ALCAM: variants seen among roughly 807,000 people sequenced by gnomAD.
ALCAM encodes CD166 antigen.
In ALCAM, 30 loss-of-function variants were observed where a neutral mutation model predicts 70.9. That is an observed-to-expected ratio of 0.42 (90% CI 0.32 to 0.57). The LOEUF (loss-of-function observed/expected upper bound fraction) is 0.57. ALCAM is among the 20% of genes least tolerant of loss of function. The pLI, the probability that ALCAM is intolerant of heterozygous loss-of-function variation, is 0.11. For synonymous variants in ALCAM, 249 were observed against 242.5 expected (o/e 1.03, Z -0.25); for missense variants, 591 against 695.1 (o/e 0.85, Z 1.68).
At chr3:105,544,201 G>A (rs924551089) in intron 8 of ALCAM, among the ~76,000 whole-genome samples, 6 of 151,550 alleles carry the variant, frequency 4.0e-5, no homozygotes, top group African/African-American at 1.5e-4. Context: ...ACTTCCATGA[G>A]TTGTCACCAC....
At chr3:105,398,517 C>A (rs1936009024) in intron 1 of ALCAM, among the ~76,000 whole-genome samples, 1 of 151,972 alleles carries the variant, frequency 6.6e-6, no homozygotes, top group Non-Finnish European at 1.5e-5. Context: ...TAAAGCTTTT[C>A]TTTCTGATCT....
At chr3:105,510,696 C>T (rs1240294319) in intron 1 of ALCAM, among the ~76,000 whole-genome samples, 2 of 152,098 alleles carry the variant, frequency 1.3e-5, no homozygotes, top group South Asian at 2.1e-4. Context: ...TCCTCATGTT[C>T]GAGTTCCTGT....
At position 105,391,737 on chromosome 3, in the gene ALCAM, C is replaced by G. The variant is rs551614770; in HGVS notation, c.73+24256C>G. Among the ~76,000 whole-genome samples the G allele has an allele frequency of 2.0e-5, 3 of 152,098 alleles. No individual in the cohort carries two copies. In the East Asian group the frequency reaches 5.8e-4, roughly 29 times the overall value. On this transcript the variant is annotated intron_variant, in intron 1 of 15. Transcript: ENST00000306107. ...TTGGCTATGGGTTTGTGATAAATGG[C>G]TCTTATTATTTTGAAGTATGTTCCT...
chr3:105,499,043 A>T (rs2152615136), intron 1 of ALCAM, among the ~76,000 whole-genome samples: 1 of 152,268 alleles, frequency 6.6e-6, no homozygotes, highest in African/African-American at 2.4e-5. Flanking sequence ...AACTTATCTC[A>T]CCTTTCTTTA....
At chr3:105,372,796 C>T (rs955794632) in intron 1 of ALCAM, among the ~76,000 whole-genome samples, 3 of 152,064 alleles carry the variant, frequency 2.0e-5, no homozygotes, top group Non-Finnish European at 4.4e-5. Flanking sequence ...TTCTGTATCA[C>T]TTAAGGAACT....
intron 1 of ALCAM, among the ~76,000 whole-genome samples, chr3:105,409,933 A>G (rs1413039590): frequency 1.3e-5 from 2 of 152,052 alleles, no homozygotes; most frequent in Non-Finnish European, 2.9e-5. Flanking sequence ...CTTCTCCATT[A>G]TCAACATGCT....
intron 1 of ALCAM, among the ~76,000 whole-genome samples, chr3:105,516,167 A>C (rs899459461): frequency 6.6e-6 from 1 of 151,874 alleles, no homozygotes; most frequent in Admixed American, 6.6e-5. Flanking sequence ...TCTGCTTGAA[A>C]TGTGGTAGCA....
chr3:105,552,419 A>C (rs775326175), intron 13 of ALCAM, 49 bp from the exon 14 acceptor site: 2 of 1,564,950 alleles, frequency 1.3e-6, no homozygotes, highest in African/African-American at 2.7e-5. Context: ...ACTTTCTGAA[A>C]ATCCTTGGCA....
At chr3:105,509,476 C>A (rs1939174319) in intron 1 of ALCAM, among the ~76,000 whole-genome samples, 1 of 151,900 alleles carries the variant, frequency 6.6e-6, no homozygotes, top group African/African-American at 2.4e-5. Context: ...TGTTGAGTAC[C>A]TTTTCATATA....
At chr3:105,548,704 T>C (rs187871717) in intron 11 of ALCAM, among the ~76,000 whole-genome samples, 1 of 151,506 alleles carries the variant, frequency 6.6e-6, no homozygotes, top group African/African-American at 2.4e-5. Context: ...GGACACACAG[T>C]AAGAAAGCAT....
chr3:105,535,186 C>T (rs1001846503), intron 6 of ALCAM, among the ~76,000 whole-genome samples: 7 of 152,070 alleles, frequency 4.6e-5, no homozygotes, highest in African/African-American at 1.7e-4. Context: ...AAGAGATTAC[C>T]ATTTTAATGA....
At chr3:105,514,233 C>T (rs189642760) in intron 1 of ALCAM, among the ~76,000 whole-genome samples, 9 of 151,992 alleles carry the variant, frequency 5.9e-5, no homozygotes, top group Non-Finnish European at 8.8e-5. Flanking sequence ...AAAACTTGCC[C>T]TGTAGCAGGT....
intron 1 of ALCAM, among the ~76,000 whole-genome samples, chr3:105,442,705 C>T (rs552141217): frequency 2.6e-4 from 40 of 151,676 alleles, no homozygotes; most frequent in Non-Finnish European, 5.0e-4. Context: ...GATGTGAACC[C>T]GGGAGGCGGA....
In ALCAM at chr3:105,552,528, T is replaced by A; in HGVS notation, c.1607T>A (p.Leu536His). The change falls in exon 14 of 16, where the codon CTC (leucine) becomes CAC (histidine). Residue 536 changes from leucine (L) to histidine (H), a missense_variant. Transcript: ENST00000306107. ...AKLIVGIVVG[L>H]LLAALVAGVV... ...CTAATTGTGGGAATCGTTGTTGGTC[T>A]CCTCCTTGCTGCCCTTGTTGCTGGT... 1 of 1,611,874 alleles carries A rather than the reference T, an allele frequency of 6.2e-7. No individual in the cohort carries two copies. Among genetic ancestry groups the A allele is most frequent in the South Asian group, 1.1e-5 (1 of 91,038 alleles).
At chr3:105,538,109 A>G (rs756540494) in intron 6 of ALCAM, among the ~76,000 whole-genome samples, 13 of 152,124 alleles carry the variant, frequency 8.5e-5, no homozygotes, top group Non-Finnish European at 1.6e-4. Context: ...TCAAAGCGCT[A>G]CTTCAGAAAA....
At chr3:105,391,777 A>G (rs1935824107) in intron 1 of ALCAM, among the ~76,000 whole-genome samples, 1 of 150,478 alleles carries the variant, frequency 6.6e-6, no homozygotes, top group Non-Finnish European at 1.5e-5. Flanking sequence ...TACCTGATTT[A>G]TTGAAGGGAT....
At chr3:105,511,625 C>T (rs1439475260) in intron 1 of ALCAM, among the ~76,000 whole-genome samples, 1 of 151,946 alleles carries the variant, frequency 6.6e-6, no homozygotes, top group Admixed American at 6.6e-5. Context: ...GCAAGCTGCA[C>T]CAAATATGTG....
intron 12 of ALCAM, 135 bp downstream of exon 12, chr3:105,550,394 C>A: frequency 2.3e-6 from 2 of 887,930 alleles, no homozygotes; most frequent in Non-Finnish European, 3.3e-6. Flanking sequence ...TTGGTATCAT[C>A]ATCATAAGGT....
intron 1 of ALCAM, among the ~76,000 whole-genome samples, chr3:105,475,217 T>A (rs1456044909): frequency 6.6e-6 from 1 of 151,964 alleles, no homozygotes; most frequent in Non-Finnish European, 1.5e-5. Context: ...CTGTCAAGCA[T>A]AGTCTATTAA....
Sources: allele counts gnomAD v4.1 joint callset (sites outside exome capture counted in the v4.1 genomes callset), GRCh38; gene constraint gnomAD v4.1.1; transcripts MANE v1.5; gene names NCBI Gene and HGNC (gene_info 2026-07-23, HGNC 2026-07-21).